The following GGT5 variants were observed in gnomAD, a reference collection of about 807,000 sequenced individuals.
GGT5 encodes the protein glutathione hydrolase 5 proenzyme.
A neutral mutation model predicts 58.1 loss-of-function variants in GGT5; 50 were observed. That is an observed-to-expected ratio of 0.86 (90% CI 0.69 to 1.09). The LOEUF is 1.09. GGT5 is among the 50% of genes least tolerant of loss of function. The pLI, the probability that GGT5 is intolerant of heterozygous loss-of-function variation, is 0.00. For synonymous variants in GGT5, 370 were observed against 346.1 expected (o/e 1.07, Z -0.77); for missense variants, 800 against 789.4 (o/e 1.01, Z -0.16).
chr22:24,231,984 C>T, intron 5 of GGT5, 67 bp downstream of exon 5: 5 of 1,371,722 alleles, frequency 3.6e-6, no homozygotes, highest in South Asian at 1.2e-5. Flanking sequence ...CTGCCCTCAA[C>T]CCCCAGTGCC....
chr22:24,238,833 TTA>T (rs1170487475), intron 1 of GGT5, among the ~76,000 whole-genome samples: 680 of 9,378 alleles, frequency 0.073, 60 homozygotes, highest in African/African-American at 0.21. Flanking sequence ...ATATATATAT[TTA>T]TATATATATA....
At chr22:24,228,636 G>C (rs1267647257) in intron 6 of GGT5, among the ~76,000 whole-genome samples, 1 of 151,884 alleles carries the variant, frequency 6.6e-6, no homozygotes, top group Non-Finnish European at 1.5e-5. Flanking sequence ...ATTTTTAGTA[G>C]AGACAGGGTT....
chr22:24,233,161 A>G, intron 3 of GGT5, 143 bp from the exon 4 acceptor site: 1 of 662,514 alleles, frequency 1.5e-6, no homozygotes, highest in Non-Finnish European at 2.5e-6. Flanking sequence ...CCCTGCTCAA[A>G]TCACCTGTGG....
intron 1 of GGT5, chr22:24,241,377 G>A (rs2048325051): frequency 6.6e-6 from 1 of 152,220 alleles, no homozygotes; most frequent in South Asian, 2.1e-4. Context: ...TGATCTCGAA[G>A]TCTGGAACCT....
chr22:24,233,932 G>T lies in GGT5; in HGVS notation c.246C>A (p.Asn82Lys), dbSNP rs1411024519. 6.2e-7 allele frequency: 1 copy of T among 1,613,578 alleles called. No homozygotes were observed. Among genetic ancestry groups the T allele is most frequent in the African/African-American group, 1.3e-5 (1 of 75,026 alleles). ...CTCCGCCCAGGCCCATGCTCTGAGGGTTGACGACGCTGGTGCAGACCAGAG... is the reference window on the plus strand; with the variant it reads ...CTCCGCCCAGGCCCATGCTCTGAGGTTTGACGACGCTGGTGCAGACCAGAG... ...IAALVCTSVV[N>K]PQSMGLGGGV... The change falls in exon 2 of 12, where the codon AAC (asparagine) becomes AAA (lysine). Residue 82 changes from asparagine to lysine, a missense_variant. Physicochemically the swap from Asn to Lys is moderately conservative, Grantham distance 94. Coordinates refer to ENST00000327365, the MANE Select transcript of GGT5 (RefSeq NM_004121.5).
chr22:24,244,295 G>GCACACACA (rs146390000), intron 1 of GGT5: 1 of 401,264 alleles, frequency 2.5e-6, no homozygotes, highest in Non-Finnish European at 4.5e-6. Flanking sequence ...CAGTGCACGT[G>GCACACACA]CACACACACA....
intron 11 of GGT5, among the ~76,000 whole-genome samples, chr22:24,223,754 CTTT>C (rs898258352): frequency 2.9e-4 from 23 of 79,478 alleles, no homozygotes; most frequent in African/African-American, 8.4e-4. Flanking sequence ...TGCTATCAAT[CTTT>C]TTTTTTTTTT....
intron 11 of GGT5, among the ~76,000 whole-genome samples, chr22:24,223,397 T>TA (rs1569352722): frequency 6.6e-6 from 1 of 151,832 alleles, no homozygotes; most frequent in Admixed American, 6.6e-5. Flanking sequence ...TGAGACTGTC[T>TA]AAAAAAATAA....
At position 24,223,709 on chromosome 22, in the gene GGT5, C is replaced by G. The variant is rs886837201; in HGVS notation, c.1614+1287G>C. 5.4e-5 allele frequency among the ~76,000 whole-genome samples: 8 copies of G among 149,460 alleles called. No individual in the cohort carries two copies. In the South Asian group the frequency reaches 1.5e-3, roughly 28 times the overall value. On this transcript the variant is annotated intron_variant, in intron 11 of 11. Coordinates refer to ENST00000327365, the MANE Select transcript of GGT5 (RefSeq NM_004121.5). ...ACTTGAGACCGAAGAAGTCTCATAA[C>G]AGGAGAGGCAGCTTTGACGATCTGG... is the stretch of plus-strand genomic sequence containing the variant.
chr22:24,220,079 T>C lies in GGT5; in HGVS notation c.1652A>G (p.Gln551Arg). The change falls in exon 12 of 12, where the codon CAG (glutamine) becomes CGG (arginine). Residue 551 changes from glutamine (Q) to arginine (R), a missense_variant. Gln to Arg is a conservative substitution (Grantham distance 43, BLOSUM62 1). Coordinates refer to ENST00000327365, the MANE Select transcript of GGT5 (RefSeq NM_004121.5). ...QRGLQDRGQNQTQRPFFLNVV... is the reference protein window; with the variant it reads ...QRGLQDRGQNRTQRPFFLNVV... ...GTTCAGGAAGAAGGGCCTCTGGGTC[T>C]GGTTCTGGCCACGGTCTTGGAGTCC... is the stretch of plus-strand genomic sequence containing the variant. 1 of 1,614,208 alleles carries C rather than the reference T, an allele frequency of 6.2e-7. No homozygotes were observed.
intron 8 of GGT5, 29 bp downstream of exon 8, chr22:24,226,047 C>T: frequency 4.0e-6 from 6 of 1,487,384 alleles, no homozygotes; most frequent in Non-Finnish European, 5.5e-6. Context: ...AGGAGTGAAG[C>T]CATCCGCCTT....
intron 6 of GGT5, among the ~76,000 whole-genome samples, chr22:24,228,210 G>T (rs2047834919): frequency 6.6e-6 from 1 of 151,842 alleles, no homozygotes; most frequent in Non-Finnish European, 1.5e-5. Flanking sequence ...GAGGTGAGAG[G>T]ATTGCTTGAG....
chr22:24,240,855 G>A lies in GGT5; in HGVS notation c.173+3698C>T, dbSNP rs577423008. On this transcript the variant is annotated intron_variant, in intron 1 of 11. Transcript: ENST00000327365. ...TTATTAGAGATAAGAGACACATCAT[G>A]GAAAAGAAGAAATTACTAGGAGACG... 1.1e-4 allele frequency among the ~76,000 whole-genome samples: 17 copies of A among 152,204 alleles called. 1 individual carries two copies. In the South Asian group the frequency reaches 2.9e-3, roughly 26 times the overall value.
chr22:24,233,880 T>C lies in GGT5; in HGVS notation c.298A>G (p.Thr100Ala). 6.2e-7 allele frequency: 1 copy of C among 1,613,642 alleles called. No individual in the cohort carries two copies. The highest frequency in any genetic ancestry group is 8.5e-7 in the Non-Finnish European group (1 of 1,179,558). ...AGTTCACATGTGGGCCCACCTGTTG[T>C]CACATTGTAGATGGTGAAGATGACC... ...GGVIFTIYNV[T>A]TGKVEVINAR... The change falls in exon 2 of 12, where the codon ACA (threonine) becomes GCA (alanine). Residue 100 changes from threonine to alanine, a missense_variant. Coordinates refer to ENST00000327365, the MANE Select transcript of GGT5 (RefSeq NM_004121.5).
At chr22:24,237,873 T>G (rs2048144858) in intron 1 of GGT5, among the ~76,000 whole-genome samples, 1 of 152,202 alleles carries the variant, frequency 6.6e-6, no homozygotes, top group Non-Finnish European at 1.5e-5. Flanking sequence ...TTAAAATAAG[T>G]ACTTTGTATC....
In GGT5 at chr22:24,238,921, ATATAATATATAT is replaced by A; in HGVS notation, c.174-4929_174-4918del. ...TATATATATATTATATATATTATAT[ATATAATATATAT>A]TATATAATATATATATATATATATA... On this transcript the variant is annotated intron_variant, in intron 1 of 11. Coordinates refer to ENST00000327365, the MANE Select transcript of GGT5 (RefSeq NM_004121.5). Among the ~76,000 whole-genome samples, 8 of 23,878 alleles carry A rather than the reference ATATAATATATAT, an allele frequency of 3.4e-4. 1 individual carries two copies. The highest frequency in any genetic ancestry group is 1.2e-3 in the African/African-American group (5 of 4,254). 15.7% of individuals were successfully genotyped at this position (23,878 alleles called of 152,430 possible).
chr22:24,224,756 A>G (rs2047699112), intron 11 of GGT5, among the ~76,000 whole-genome samples: 1 of 152,218 alleles, frequency 6.6e-6, no homozygotes, highest in African/African-American at 2.4e-5. Flanking sequence ...CAAGGTGCTG[A>G]GATCCTCAGC....
At chr22:24,229,633 A>C (rs1448097441) in intron 6 of GGT5, among the ~76,000 whole-genome samples, 3 of 151,948 alleles carry the variant, frequency 2.0e-5, no homozygotes, top group Admixed American at 1.3e-4. Context: ...GGAGTTTAAG[A>C]CCAGCCTGGC....
At chr22:24,231,732 G>A (rs1320253061) in intron 5 of GGT5, among the ~76,000 whole-genome samples, 3 of 152,182 alleles carry the variant, frequency 2.0e-5, no homozygotes, top group Non-Finnish European at 2.9e-5. Context: ...CAGAGGCAGG[G>A]AGGCTGGGGA....
Sources: allele counts gnomAD v4.1 joint callset (sites outside exome capture counted in the v4.1 genomes callset), GRCh38; gene constraint gnomAD v4.1.1; transcripts MANE v1.5; gene names NCBI Gene and HGNC (gene_info 2026-07-23, HGNC 2026-07-21).